Variants in BAZ1B observed in about 807,000 individuals in gnomAD.
BAZ1B encodes the protein tyrosine-protein kinase BAZ1B.
A neutral mutation model predicts 153.8 loss-of-function variants in BAZ1B; 22 were observed. The ratio of observed to expected loss-of-function variants is 0.14; its 90% CI spans 0.10 to 0.20. The LOEUF (loss-of-function observed/expected upper bound fraction) is 0.20. BAZ1B is among the 10% of genes least tolerant of loss of function. The pLI is 1.00. For synonymous variants in BAZ1B, 676 were observed against 633.4 expected, an observed-to-expected ratio of 1.07 and a Z score of -1.01; for missense variants, 1,325 against 1,799.3, an observed-to-expected ratio of 0.74 and a Z score of 4.77.
At chr7:73,447,058 C>T (rs1259433313) in intron 16 of BAZ1B, among the ~76,000 whole-genome samples, 2 of 152,176 alleles carry the variant, frequency 1.3e-5, no homozygotes, top group Non-Finnish European at 2.9e-5. Flanking sequence ...TGAGATCAAG[C>T]CACCTTCTCT....
chr7:73,460,293 A>G (rs1788352386), intron 12 of BAZ1B, among the ~76,000 whole-genome samples: 2 of 152,142 alleles, frequency 1.3e-5, no homozygotes, highest in Admixed American at 6.6e-5. Context: ...AAGGAGTTAC[A>G]TAGTTGATTC....
Position 73,477,581 on chromosome 7 carries a change from T to C in BAZ1B, c.1880A>G (p.Asp627Gly). ...CACAGCAGTAATAGGATACTGAGCATCTGGTAAAAGTAGCCCAGAATAACA... is the reference window on the plus strand; with the variant it reads ...CACAGCAGTAATAGGATACTGAGCACCTGGTAAAAGTAGCCCAGAATAACA... Reference protein sequence around the residue: ...LSCYSGLLLPDAQYPITAVSL... With the variant: ...LSCYSGLLLPGAQYPITAVSL... Residue 627 changes from aspartate (D) to glycine (G), a missense_variant, in exon 7 of 20, where the codon GAT becomes GGT. Around this residue, in one of 9 missense-constraint regions of BAZ1B, gnomAD observed 154 missense variants for 266.3 expected, o/e 0.58. Coordinates refer to ENST00000339594, the MANE Select transcript of BAZ1B (RefSeq NM_032408.4). This position sits in a 1 kb window ranked among gnomAD's most constrained non-coding sequence, Gnocchi z 5.6. The C allele has an allele frequency of 1.2e-6, 2 of 1,614,222 alleles. No homozygotes were observed. The highest frequency in any genetic ancestry group is 2.2e-5 in the South Asian group (2 of 91,086).
intron 16 of BAZ1B, 86 bp from the exon 17 acceptor site, chr7:73,444,215 G>C (rs1204644561): frequency 2.1e-6 from 3 of 1,419,774 alleles, no homozygotes; most frequent in Non-Finnish European, 2.8e-6. Context: ...GATGCAGGGA[G>C]AATCCTTTTC....
chr7:73,492,525 G>C (rs1789693225), intron 5 of BAZ1B, among the ~76,000 whole-genome samples: 1 of 152,172 alleles, frequency 6.6e-6, no homozygotes, highest in Non-Finnish European at 1.5e-5. Flanking sequence ...GCTGGGAACA[G>C]ATTCTTAATT....
At chr7:73,487,299 G>A (rs558388728) in intron 6 of BAZ1B, among the ~76,000 whole-genome samples, 30 of 152,082 alleles carry the variant, frequency 2.0e-4, no homozygotes, top group Non-Finnish European at 4.3e-4. Flanking sequence ...GTGGTGGTAC[G>A]TGCCTGTAGT....
chr7:73,497,952 T>G (rs1296769156), intron 4 of BAZ1B, among the ~76,000 whole-genome samples: 37 of 151,854 alleles, frequency 2.4e-4, no homozygotes, highest in Middle Eastern at 3.4e-3. Context: ...GTGTTTTGTT[T>G]TTTTTTTTTT....
chr7:73,444,986 C>T (rs782012236), intron 16 of BAZ1B, among the ~76,000 whole-genome samples: 10 of 151,698 alleles, frequency 6.6e-5, no homozygotes, highest in Non-Finnish European at 1.2e-4. Context: ...TGCACTCCAG[C>T]CTGGGAAACA....
chr7:73,497,293 G>A (rs1789951757), intron 4 of BAZ1B, among the ~76,000 whole-genome samples: 1 of 152,054 alleles, frequency 6.6e-6, no homozygotes, highest in Non-Finnish European at 1.5e-5. Flanking sequence ...CTAGAGAGAT[G>A]AACTAGCATC....
At chr7:73,501,795 G>A (rs1472695168) in intron 3 of BAZ1B, among the ~76,000 whole-genome samples, 1 of 151,816 alleles carries the variant, frequency 6.6e-6, no homozygotes, top group Non-Finnish European at 1.5e-5. Context: ...GAGCTTTACT[G>A]GATCAACACC....
Position 73,519,130 on chromosome 7 carries a change from C to A in BAZ1B, c.107+2697G>T, listed in dbSNP as rs1469906880. 2.0e-5 allele frequency among the ~76,000 whole-genome samples: 3 copies of A among 152,158 alleles called. No homozygotes were observed. In the East Asian group the frequency reaches 5.8e-4, roughly 29 times the overall value. ...ATGTGTGCATTACTCACAACTTCCACTAAGTTTAATGAAGATTCACAATAT... is the reference window on the plus strand; with the variant it reads ...ATGTGTGCATTACTCACAACTTCCAATAAGTTTAATGAAGATTCACAATAT... On this transcript the variant is annotated intron_variant, in intron 1 of 19. Coordinates refer to ENST00000339594, the MANE Select transcript of BAZ1B (RefSeq NM_032408.4).
chr7:73,443,859 C>A (rs2116213958), intron 17 of BAZ1B, 125 bp downstream of exon 17: 1 of 1,464,408 alleles, frequency 6.8e-7, no homozygotes, highest in Admixed American at 1.9e-5. Context: ...CCCCAGCCTC[C>A]CAAGTTTGGT....
At chr7:73,469,130 CAAAA>C (rs57498905) in intron 9 of BAZ1B, among the ~76,000 whole-genome samples, 6 of 76,302 alleles carry the variant, frequency 7.9e-5, no homozygotes, top group Admixed American at 1.5e-4. Flanking sequence ...AATTCCGTCT[CAAAA>C]AAAAAAAAAA....
chr7:73,460,288 G>A (rs112780723), intron 12 of BAZ1B, among the ~76,000 whole-genome samples: 10 of 151,584 alleles, frequency 6.6e-5, no homozygotes, highest in African/African-American at 2.4e-4. Flanking sequence ...ACATAAAGGA[G>A]TTACATAGTT....
intron 13 of BAZ1B, 34 bp downstream of exon 13, chr7:73,459,502 G>C (rs188441519): frequency 6.3e-7 from 1 of 1,596,352 alleles, no homozygotes; most frequent in Non-Finnish European, 8.5e-7. Flanking sequence ...CTCATCTACG[G>C]AATCATAAAC....
At chr7:73,520,297 C>T (rs565082703) in intron 1 of BAZ1B, among the ~76,000 whole-genome samples, 1 of 151,730 alleles carries the variant, frequency 6.6e-6, no homozygotes, top group South Asian at 2.1e-4. Context: ...CATTCCAAGT[C>T]TTCACAGGAC....
At chr7:73,509,417 G>C (rs1554578261) in intron 2 of BAZ1B, among the ~76,000 whole-genome samples, 1 of 152,050 alleles carries the variant, frequency 6.6e-6, no homozygotes, top group Non-Finnish European at 1.5e-5. Context: ...TAAAGCACTG[G>C]GGAATACAAA....
intron 3 of BAZ1B, among the ~76,000 whole-genome samples, chr7:73,499,844 T>C (rs1790055813): frequency 6.6e-6 from 1 of 152,252 alleles, no homozygotes; most frequent in Non-Finnish European, 1.5e-5. Flanking sequence ...ACATAGCCCC[T>C]TCAGATTTCT....
chr7:73,452,972 A>G (rs782386165), intron 13 of BAZ1B, among the ~76,000 whole-genome samples: 25 of 152,238 alleles, frequency 1.6e-4, no homozygotes, highest in Non-Finnish European at 2.8e-4. Flanking sequence ...ATTTAATTCA[A>G]TAAAACAAAA....
chr7:73,513,199 T>A (rs1554578810), intron 1 of BAZ1B, among the ~76,000 whole-genome samples: 2 of 152,162 alleles, frequency 1.3e-5, no homozygotes, highest in Non-Finnish European at 2.9e-5. Context: ...ACAGTCCTCC[T>A]GCCTCAATCT....
Sources: gnomAD v4.1 joint callset for allele counts (sites outside exome capture counted in the v4.1 genomes callset) on GRCh38, gnomAD v4.1.1 for gene constraint, gnomAD v4.1.1 regional missense constraint, Gnocchi (gnomAD v3.1) non-coding constraint, MANE v1.5 for transcripts, NCBI Gene and HGNC (gene_info 2026-07-23, HGNC 2026-07-21) for gene names.